The following TTC23L variants were observed in gnomAD, a reference collection of about 807,000 sequenced individuals.
TTC23L encodes tetratricopeptide repeat protein 23-like.
TTC23L carries 42 observed loss-of-function variants against 48.1 expected under a neutral mutation model. That is an observed-to-expected ratio of 0.87 (90% CI 0.68 to 1.13). The LOEUF (loss-of-function observed/expected upper bound fraction) is 1.13, where lower values mean the gene tolerates loss of function less well. TTC23L is among the 50% of genes most tolerant of loss of function. The pLI is 0.00. For missense variants in TTC23L, 391 were observed against 421.0 expected, an observed-to-expected ratio of 0.93 and a Z score of 0.62; for synonymous variants, 159 against 157.2, an observed-to-expected ratio of 1.01 and a Z score of -0.09.
intron 8 of TTC23L, among the ~76,000 whole-genome samples, chr5:34,878,143 G>T (rs1761985985): frequency 6.6e-6 from 1 of 152,046 alleles, no homozygotes; most frequent in Non-Finnish European, 1.5e-5. Context: ...AAATAATTAG[G>T]TATAAATCTA....
chr5:34,897,918 G>A (rs1232009794), intron 10 of TTC23L, among the ~76,000 whole-genome samples: 1 of 152,172 alleles, frequency 6.6e-6, no homozygotes, highest in East Asian at 1.9e-4. Context: ...TGACTTCAGT[G>A]CATCCCTATG....
At chr5:34,882,639 A>ACACACACACACACT (rs1422594212) in intron 9 of TTC23L, among the ~76,000 whole-genome samples, 20 of 151,822 alleles carry the variant, frequency 1.3e-4, no homozygotes, top group African/African-American at 4.8e-4. Flanking sequence ...ACACACACAC[A>ACACACACACACACT]CACACACACA....
chr5:34,886,837 C>A (rs148738623), intron 9 of TTC23L, among the ~76,000 whole-genome samples: 180 of 152,306 alleles, frequency 1.2e-3, no homozygotes, highest in African/African-American at 4.2e-3. Context: ...ATAGTGGCAG[C>A]ATCTCTTGAA....
the TTC23L span, chr5:34,908,868 C>A: frequency 6.2e-7 from 1 of 1,612,854 alleles, no homozygotes; most frequent in Non-Finnish European, 8.5e-7. Flanking sequence ...TGAAAGGAAG[C>A]CTCTGTTATC....
At chr5:34,856,071 C>A (rs1319318074) in intron 4 of TTC23L, among the ~76,000 whole-genome samples, 1 of 152,038 alleles carries the variant, frequency 6.6e-6, no homozygotes, top group East Asian at 1.9e-4. Context: ...CAGTGAGGCC[C>A]AAAGATGACC....
chr5:34,920,969 A>G, the TTC23L span: 4 of 152,190 alleles, frequency 2.6e-5, no homozygotes, highest in Admixed American at 1.3e-4. Context: ...GGTTTAAGCA[A>G]TTCTCCTGCC....
intron 4 of TTC23L, among the ~76,000 whole-genome samples, chr5:34,852,422 A>G (rs1024797732): frequency 6.6e-6 from 1 of 152,102 alleles, no homozygotes; most frequent in African/African-American, 2.4e-5. Context: ...GGGAGTGTGG[A>G]GAGTTATTAA....
At chr5:34,916,988 T>G in the TTC23L span, among the ~76,000 whole-genome samples, 1 of 152,218 alleles carries the variant, frequency 6.6e-6, no homozygotes, top group African/African-American at 2.4e-5. Context: ...TGAGCCATAC[T>G]TCGATACATT....
downstream of TTC23L, among the ~76,000 whole-genome samples, chr5:34,900,475 T>G (rs1345700900): frequency 6.6e-6 from 1 of 150,598 alleles, no homozygotes; most frequent in Non-Finnish European, 1.5e-5. Context: ...CACTCCAGCC[T>G]GGATGAGAAA....
At chr5:34,897,025 A>C in intron 10 of TTC23L, 150 bp downstream of exon 10, 1 of 540,366 alleles carries the variant, frequency 1.9e-6, no homozygotes, top group Non-Finnish European at 3.3e-6. Flanking sequence ...AAAAAAAAAC[A>C]AAAAAAACAG....
rs756663745 is a variant in TTC23L, at chr5:34,863,087, C to G, written c.536+33C>G. Reference sequence around the variant, plus strand: ...TCCATTCCTAGCTGCGTTTAGTGTTCGGGGCCACAGGCCACACATGCCAGA... The same window carrying G: ...TCCATTCCTAGCTGCGTTTAGTGTTGGGGGCCACAGGCCACACATGCCAGA... On this transcript the variant is annotated intron_variant, in intron 5 of 10. Transcript: ENST00000505624. This position sits in a 1 kb window ranked among gnomAD's most constrained non-coding sequence, Gnocchi z 4.1. 1.2e-6 allele frequency: 2 copies of G among 1,611,892 alleles called. No homozygotes were observed. The highest frequency in any genetic ancestry group is 1.1e-5 in the South Asian group (1 of 90,822).
the TTC23L span, chr5:34,908,948 T>A: frequency 1.3e-6 from 2 of 1,599,972 alleles, no homozygotes; most frequent in Non-Finnish European, 1.7e-6. Flanking sequence ...AAATCTTGTA[T>A]CTGTAGAAGA....
At chr5:34,894,531 T>G (rs756302929) in intron 9 of TTC23L, among the ~76,000 whole-genome samples, 5 of 152,196 alleles carry the variant, frequency 3.3e-5, no homozygotes, top group African/African-American at 4.8e-5. Context: ...GACTTTCAAA[T>G]TCTATGTTAT....
chr5:34,922,266 A>G, the TTC23L span: 2 of 1,590,230 alleles, frequency 1.3e-6, no homozygotes, highest in Admixed American at 1.7e-5. Flanking sequence ...GAAGCTAAGA[A>G]AAAACAGGAT....
the TTC23L span, among the ~76,000 whole-genome samples, chr5:34,910,188 C>T: frequency 6.6e-6 from 1 of 152,078 alleles, no homozygotes; most frequent in African/African-American, 2.4e-5. Flanking sequence ...CAACTCCTAC[C>T]TCCCTACCAC....
At chr5:34,848,803 G>A (rs886599858) in intron 3 of TTC23L, among the ~76,000 whole-genome samples, 1 of 152,144 alleles carries the variant, frequency 6.6e-6, no homozygotes, top group Non-Finnish European at 1.5e-5. Context: ...GAAGTCCAGA[G>A]GTGATTGGCA....
intron 3 of TTC23L, among the ~76,000 whole-genome samples, chr5:34,849,242 G>GA (rs769645545): frequency 6.8e-4 from 102 of 151,064 alleles, no homozygotes; most frequent in African/African-American, 2.1e-3. Context: ...TAATATCAGA[G>GA]AAAAAAAAGA....
chr5:34,851,728 T>C (rs1430688210), intron 4 of TTC23L, among the ~76,000 whole-genome samples: 1 of 152,180 alleles, frequency 6.6e-6, no homozygotes, highest in Non-Finnish European at 1.5e-5. Context: ...TCAGACTGAT[T>C]TTCTCAAAAA....
chr5:34,873,428 T>G (rs1761612120), intron 8 of TTC23L, among the ~76,000 whole-genome samples: 1 of 152,208 alleles, frequency 6.6e-6, no homozygotes. Flanking sequence ...CCCTCCTGCC[T>G]GGGGCTGCTT....
Sources: allele counts gnomAD v4.1 joint callset (sites outside exome capture counted in the v4.1 genomes callset), GRCh38; gene constraint gnomAD v4.1.1; non-coding constraint Gnocchi (gnomAD v3.1); transcripts MANE v1.5; gene names NCBI Gene and HGNC (gene_info 2026-07-23, HGNC 2026-07-21).